The following SLC16A10 variants were observed in gnomAD, a reference collection of about 807,000 sequenced individuals.
SLC16A10 encodes monocarboxylate transporter 10.
SLC16A10 carries 27 observed loss-of-function variants against 40.0 expected under a neutral mutation model. The observed-to-expected ratio is 0.67, with a 90% CI of 0.50 to 0.93. The LOEUF (loss-of-function observed/expected upper bound fraction) is 0.93. SLC16A10 is among the 40% of genes least tolerant of loss of function. The probability of loss-of-function intolerance (pLI) is 0.00; values close to 1 mark genes in which losing one functional copy is unlikely to be tolerated. For synonymous variants in SLC16A10, 213 were observed against 249.8 expected (o/e 0.85, Z 1.39); for missense variants, 529 against 658.2 (o/e 0.80, Z 2.15).
chr6:111,134,765 A>C (rs1164725746), intron 1 of SLC16A10, among the ~76,000 whole-genome samples: 2 of 152,214 alleles, frequency 1.3e-5, no homozygotes. Flanking sequence ...TGTAAGGCCC[A>C]CTGCCCCAGG....
At chr6:111,214,628 G>A (rs1009571304) in intron 4 of SLC16A10, among the ~76,000 whole-genome samples, 2 of 152,042 alleles carry the variant, frequency 1.3e-5, no homozygotes, top group Admixed American at 6.6e-5. Flanking sequence ...CAAATAAGGT[G>A]GAAGAAGCAA....
chr6:111,208,355 G>A (rs1292518054), intron 4 of SLC16A10, among the ~76,000 whole-genome samples: 1 of 152,172 alleles, frequency 6.6e-6, no homozygotes, highest in Non-Finnish European at 1.5e-5. Context: ...GGAGGCTGAG[G>A]CAGGTAGATC....
At position 111,221,910 on chromosome 6, in the gene SLC16A10, T is replaced by C. The variant is rs1248222505; in HGVS notation, c.1316-93T>C. The C allele has an allele frequency of 2.5e-6, 3 of 1,190,300 alleles. No individual in the cohort carries two copies. In the East Asian group the frequency reaches 8.4e-5, roughly 33 times the overall value. 73.7% of individuals were successfully genotyped at this position (1,190,300 alleles called of 1,614,324 possible). ...TTCCTAAAAAAAAAAAAAAGTCTGA[T>C]GTCTGAGATGTCTGAATCAGTCCTG... On this transcript the variant is annotated intron_variant, in intron 5 of 5. Transcript: ENST00000368851.
intron 1 of SLC16A10, among the ~76,000 whole-genome samples, chr6:111,094,189 TC>T (rs1331937143): frequency 2.0e-5 from 3 of 152,232 alleles, no homozygotes; most frequent in Non-Finnish European, 4.4e-5. Flanking sequence ...TTGTTGCAGT[TC>T]CTTGAGGCTC....
intron 1 of SLC16A10, among the ~76,000 whole-genome samples, chr6:111,127,509 G>A (rs1270108385): frequency 6.6e-6 from 1 of 152,182 alleles, no homozygotes; most frequent in Non-Finnish European, 1.5e-5. Context: ...TTGAGCAGGG[G>A]AGTGATGTGT....
At chr6:111,112,510 G>T (rs557822529) in intron 1 of SLC16A10, among the ~76,000 whole-genome samples, 10 of 152,272 alleles carry the variant, frequency 6.6e-5, no homozygotes, top group African/African-American at 2.4e-4. Flanking sequence ...CTATATTTGC[G>T]CTGGCCAGCA....
intron 1 of SLC16A10, among the ~76,000 whole-genome samples, chr6:111,152,491 T>C (rs945641088): frequency 9.2e-5 from 14 of 152,244 alleles, no homozygotes; most frequent in Non-Finnish European, 1.6e-4. Context: ...CTGTTCAATA[T>C]TTTTATTAGA....
intron 5 of SLC16A10, among the ~76,000 whole-genome samples, chr6:111,220,035 C>T (rs149373790): frequency 2.6e-5 from 4 of 152,264 alleles, no homozygotes; most frequent in African/African-American, 9.6e-5. Context: ...GCTGCAGAGC[C>T]GTGATAGCAC....
At chr6:111,105,003 A>C (rs1771258160) in intron 1 of SLC16A10, among the ~76,000 whole-genome samples, 1 of 151,984 alleles carries the variant, frequency 6.6e-6, no homozygotes, top group African/African-American at 2.4e-5. Flanking sequence ...TATTTTTACT[A>C]TCCCTGTCTT....
intron 3 of SLC16A10, among the ~76,000 whole-genome samples, chr6:111,199,614 A>G (rs556670028): frequency 6.0e-4 from 92 of 152,348 alleles, no homozygotes; most frequent in African/African-American, 2.1e-3. Flanking sequence ...AATAATTTCA[A>G]ATTACCTAAA....
intron 1 of SLC16A10, among the ~76,000 whole-genome samples, chr6:111,159,030 TAC>T (rs1231917860): frequency 8.6e-6 from 1 of 116,524 alleles, no homozygotes; most frequent in East Asian, 2.8e-4. Flanking sequence ...ATCCTGCCAC[TAC>T]ACTCCAGTCT....
intron 3 of SLC16A10, among the ~76,000 whole-genome samples, chr6:111,182,781 C>T (rs1056359178): frequency 3.9e-5 from 6 of 152,168 alleles, no homozygotes; most frequent in African/African-American, 1.4e-4. Flanking sequence ...TTCAGTTGAT[C>T]AGACTCAAAA....
In SLC16A10 at chr6:111,100,980, CTCTCTCTCTCTCTATATA is replaced by C. The variant is rs1319867621; in HGVS notation, c.343+12887_343+12904del. Among the ~76,000 whole-genome samples the C allele has an allele frequency of 1.3e-3, 155 of 120,054 alleles. 1 individual carries two copies. The highest frequency in any genetic ancestry group is 5.0e-3 in the African/African-American group (137 of 27,402). 78.8% of individuals were successfully genotyped at this position (120,054 alleles called of 152,430 possible). ...TCTCCCTCTCTCTCTCTCTCTCTCT[CTCTCTCTCTCTCTATATA>C]TATATATATATATATATATAAATAT... On this transcript the variant is annotated intron_variant, in intron 1 of 5. Coordinates refer to ENST00000368851, the MANE Select transcript of SLC16A10 (RefSeq NM_018593.5).
chr6:111,116,973 A>T (rs1450044494), intron 1 of SLC16A10, among the ~76,000 whole-genome samples: 1 of 152,176 alleles, frequency 6.6e-6, no homozygotes, highest in Admixed American at 6.6e-5. Context: ...ACATGTATTG[A>T]TTATTTAATT....
At chr6:111,165,607 C>G (rs997311549) in intron 1 of SLC16A10, among the ~76,000 whole-genome samples, 4 of 152,110 alleles carry the variant, frequency 2.6e-5, no homozygotes, top group Admixed American at 2.0e-4. Context: ...TGAACTTTAC[C>G]AAAAGTAACC....
chr6:111,158,095 A>G (rs887307664), intron 1 of SLC16A10, among the ~76,000 whole-genome samples: 1 of 152,108 alleles, frequency 6.6e-6, no homozygotes, highest in African/African-American at 2.4e-5. Flanking sequence ...TATTAATAAT[A>G]TAATGTGAAG....
chr6:111,109,850 C>A (rs938583360), intron 1 of SLC16A10, among the ~76,000 whole-genome samples: 2 of 151,968 alleles, frequency 1.3e-5, no homozygotes, highest in Non-Finnish European at 2.9e-5. Context: ...TGTATGCAAA[C>A]CTTTGTTGGG....
At chr6:111,201,188 A>G (rs1461072004) in intron 3 of SLC16A10, among the ~76,000 whole-genome samples, 1 of 152,206 alleles carries the variant, frequency 6.6e-6, no homozygotes, top group Non-Finnish European at 1.5e-5. Flanking sequence ...GGAAGGACAG[A>G]GATGAGAGAA....
chr6:111,129,922 A>G (rs567764792), intron 1 of SLC16A10, among the ~76,000 whole-genome samples: 1 of 152,320 alleles, frequency 6.6e-6, no homozygotes, highest in African/African-American at 2.4e-5. Flanking sequence ...GCTTTGACAC[A>G]TTGTGTTTAG....
Sources: gnomAD v4.1 joint callset for allele counts (sites outside exome capture counted in the v4.1 genomes callset) on GRCh38, gnomAD v4.1.1 for gene constraint, MANE v1.5 for transcripts, NCBI Gene and HGNC (gene_info 2026-07-23, HGNC 2026-07-21) for gene names.